The following COL5A1 variants were observed in gnomAD, a reference collection of about 807,000 sequenced individuals.
The protein encoded by COL5A1 is collagen type V alpha 1 chain, also known as collagen alpha-1(V) chain.
A neutral mutation model predicts 263.7 loss-of-function variants in COL5A1; 16 were observed. The ratio of observed to expected loss-of-function variants is 0.06; its 90% CI spans 0.04 to 0.09. The LOEUF is 0.09. COL5A1 is among the 10% of genes least tolerant of loss of function. The pLI, the probability that COL5A1 is intolerant of heterozygous loss-of-function variation, is 1.00. For missense variants in COL5A1, 2,036 were observed against 2,540.5 expected, an observed-to-expected ratio of 0.80 and a Z score of 4.27; for synonymous variants, 1,012 against 1,004.5, an observed-to-expected ratio of 1.01 and a Z score of -0.14.
chr9:134,749,901 A>G lies in COL5A1; in HGVS notation c.1495-641A>G, dbSNP rs574087375. ...GTCTGAAGCTGGCTGGAATTGGTCT[A>G]GAGAATCCAGTCCTAGGTATGTCTG... is the stretch of plus-strand genomic sequence containing the variant. On this transcript the variant is annotated intron_variant, in intron 11 of 65. Coordinates refer to ENST00000371817, the MANE Select transcript of COL5A1 (RefSeq NM_000093.5). Among the ~76,000 whole-genome samples, 24 of 152,340 alleles carry G rather than the reference A, an allele frequency of 1.6e-4. No homozygotes were observed. The East Asian group carries it at 3.5e-3, about 22-fold the overall frequency.
At chr9:134,722,945 C>T (rs781350406) in intron 4 of COL5A1, among the ~76,000 whole-genome samples, 10 of 152,220 alleles carry the variant, frequency 6.6e-5, no homozygotes, top group East Asian at 1.9e-4. Flanking sequence ...CTGAGGGCTG[C>T]GCTAATCAGG....
intron 1 of COL5A1, among the ~76,000 whole-genome samples, chr9:134,688,329 C>T (rs1375462203): frequency 1.3e-5 from 2 of 152,198 alleles, no homozygotes; most frequent in African/African-American, 4.8e-5. Context: ...TGCTCCCCTG[C>T]CCCGGCCGCT....
rs767266957 is a variant in COL5A1 at position 134,699,945 on chromosome 9, C to T, written c.314C>T (p.Thr105Ile). The part of the protein sequence containing the change: ...AFPEDFSILT[T>I]VKAKKGSQAF... ...CCCGAGGACTTCTCCATCCTAACAA[C>T]TGTGAAAGCCAAGAAAGGCAGCCAG... is the stretch of plus-strand genomic sequence containing the variant. The change falls in exon 3 of 66, where the codon ACT (threonine) becomes ATT (isoleucine). Residue 105 changes from threonine to isoleucine, a missense_variant. By Grantham distance (89) the Thr-to-Ile change is moderately conservative. This residue lies in a region of COL5A1 where 600 missense variants were observed against 634.5 expected (regional missense o/e 0.95). Transcript: ENST00000371817. 6.2e-7 allele frequency: 1 copy of T among 1,613,908 alleles called. No homozygotes were observed.
intron 1 of COL5A1, among the ~76,000 whole-genome samples, chr9:134,664,171 G>A (rs1564373572): frequency 6.6e-6 from 1 of 152,064 alleles, no homozygotes; most frequent in Non-Finnish European, 1.5e-5. Context: ...ATCCGTCTGG[G>A]AAAAAAAGAT....
chr9:134,724,878 A>G (rs1370909471), intron 4 of COL5A1, among the ~76,000 whole-genome samples: 1 of 150,700 alleles, frequency 6.6e-6, no homozygotes, highest in African/African-American at 2.5e-5. Flanking sequence ...CAGGTGAACC[A>G]GGCTCGGGTG....
chr9:134,789,109 C>T lies in COL5A1; in HGVS notation c.2647-46C>T, dbSNP rs991684851. 1.3e-6 allele frequency: 2 copies of T among 1,578,002 alleles called. No homozygotes were observed. Among genetic ancestry groups the T allele is most frequent in the South Asian group, 1.1e-5 (1 of 90,106 alleles). On this transcript the variant is annotated intron_variant, in intron 31 of 65. Transcript: ENST00000371817. The surrounding 1 kb of genome is among the most constrained non-coding windows in gnomAD (Gnocchi z 4.8). ...CCCAGGCGGCCCATGCAGCATGACT[C>T]ATTCCTGGCCCAGCTCTGATGCCTC...
chr9:134,805,933 G>C (rs1386391517), intron 41 of COL5A1, among the ~76,000 whole-genome samples: 1 of 152,126 alleles, frequency 6.6e-6, no homozygotes, highest in Non-Finnish European at 1.5e-5. Flanking sequence ...CTAGAAGAGG[G>C]AGCCCATTGA....
chr9:134,760,618 CA>C (rs1836356621), intron 18 of COL5A1, among the ~76,000 whole-genome samples: 1 of 133,396 alleles, frequency 7.5e-6, no homozygotes, highest in Non-Finnish European at 1.6e-5. Flanking sequence ...TGCACACACA[CA>C]CACCCACACA....
At chr9:134,815,229 G>T (rs1425521175) in intron 50 of COL5A1, among the ~76,000 whole-genome samples, 1 of 152,240 alleles carries the variant, frequency 6.6e-6, no homozygotes, top group East Asian at 1.9e-4. Flanking sequence ...ATCAGGAGGG[G>T]CTTCGGAGAG....
intron 1 of COL5A1, among the ~76,000 whole-genome samples, chr9:134,655,239 T>C (rs1831918617): frequency 6.6e-6 from 1 of 151,838 alleles, no homozygotes; most frequent in East Asian, 1.9e-4. Flanking sequence ...CCGAATGCAC[T>C]GGGTGGCCTT....
intron 7 of COL5A1, among the ~76,000 whole-genome samples, chr9:134,731,223 G>T (rs572231711): frequency 2.0e-5 from 3 of 152,312 alleles, no homozygotes; most frequent in South Asian, 2.1e-4. Flanking sequence ...TGGGGCTGTG[G>T]GGTGCAGCCC....
rs1306732055 is a variant in COL5A1 at position 134,700,654 on chromosome 9, G to C, written c.492-517G>C. On this transcript the variant is annotated intron_variant, in intron 3 of 65. Coordinates refer to ENST00000371817, the MANE Select transcript of COL5A1 (RefSeq NM_000093.5). This position sits in a 1 kb window ranked among gnomAD's most constrained non-coding sequence, Gnocchi z 4.0. ...TCAATACATGATTTCTGAATTCTTCGCCAAGACTTTCAGACAGATCCACTC... is the reference window on the plus strand; with the variant it reads ...TCAATACATGATTTCTGAATTCTTCCCCAAGACTTTCAGACAGATCCACTC... Among the ~76,000 whole-genome samples, 1 of 152,132 alleles carries C rather than the reference G, an allele frequency of 6.6e-6. No homozygotes were observed. The highest frequency in any genetic ancestry group is 1.5e-5 in the Non-Finnish European group (1 of 68,018).
rs1832886748 is a variant in COL5A1 at position 134,682,318 on chromosome 9, T to G, written c.110-8594T>G. Reference sequence around the variant, plus strand: ...GGAGGCCGGGTCCTGAGCGGAGCACTCTGTACCTGTGTCACCCAAGAGCTG... The same window carrying G: ...GGAGGCCGGGTCCTGAGCGGAGCACGCTGTACCTGTGTCACCCAAGAGCTG... On this transcript the variant is annotated intron_variant, in intron 1 of 65. Transcript: ENST00000371817. This position sits in a 1 kb window ranked among gnomAD's most constrained non-coding sequence, Gnocchi z 5.1. 6.6e-6 allele frequency among the ~76,000 whole-genome samples: 1 copy of G among 152,106 alleles called. No homozygotes were observed. The highest frequency in any genetic ancestry group is 2.4e-5 in the African/African-American group (1 of 41,412).
intron 63 of COL5A1, among the ~76,000 whole-genome samples, chr9:134,829,137 C>T (rs749632771): frequency 2.2e-4 from 33 of 152,188 alleles, no homozygotes; most frequent in Non-Finnish European, 2.8e-4. Flanking sequence ...TTCATTCATT[C>T]GTTCATTCCC....
Position 134,680,300 on chromosome 9 carries a change from G to A in COL5A1, c.110-10612G>A, listed in dbSNP as rs916702582. 8.5e-5 allele frequency among the ~76,000 whole-genome samples: 13 copies of A among 152,296 alleles called. No homozygotes were observed. Among genetic ancestry groups the A allele is most frequent in the African/African-American group, 2.6e-4 (11 of 41,560 alleles). On this transcript the variant is annotated intron_variant, in intron 1 of 65. Transcript: ENST00000371817. The surrounding 1 kb of genome is among the most constrained non-coding windows in gnomAD (Gnocchi z 5.9). ...CTCACCCTGTGAAACACTGCGGGTC[G>A]GTGCACAGGTGTCTGGATGTGGACT...
chr9:134,726,319 G>A (rs543726503), intron 4 of COL5A1, among the ~76,000 whole-genome samples: 1 of 151,874 alleles, frequency 6.6e-6, no homozygotes, highest in African/African-American at 2.4e-5. Context: ...TGGATGGGTG[G>A]AAGGATGAGT....
chr9:134,760,298 C>T (rs1447526486), intron 18 of COL5A1, among the ~76,000 whole-genome samples: 1 of 96,070 alleles, frequency 1.0e-5, no homozygotes, highest in African/African-American at 5.1e-5. Context: ...CACCCCCACA[C>T]CCCCCACACA....
chr9:134,756,419 C>T (rs984876082), intron 16 of COL5A1, among the ~76,000 whole-genome samples: 5 of 152,226 alleles, frequency 3.3e-5, no homozygotes, highest in South Asian at 2.1e-4. Flanking sequence ...CCTAAATTCA[C>T]GGTCCCCTAG....
chr9:134,738,860 C>A, intron 11 of COL5A1, 52 bp downstream of exon 11: 4 of 1,452,668 alleles, frequency 2.8e-6, no homozygotes, highest in Non-Finnish European at 3.9e-6. Flanking sequence ...GGGCTGCCCA[C>A]GCCTCCTCTC....
Sources: allele counts gnomAD v4.1 joint callset (sites outside exome capture counted in the v4.1 genomes callset), GRCh38; gene constraint gnomAD v4.1.1; regional missense constraint gnomAD v4.1.1; non-coding constraint Gnocchi (gnomAD v3.1); transcripts MANE v1.5; gene names NCBI Gene and HGNC (gene_info 2026-07-23, HGNC 2026-07-21).